The following PID1 variants were observed in gnomAD, a reference collection of about 807,000 sequenced individuals.
PID1 encodes the protein PTB-containing, cubilin and LRP1-interacting protein.
Under a neutral mutation model 19.1 loss-of-function variants are expected in PID1, and 10 were observed. The ratio of observed to expected loss-of-function variants is 0.52; its 90% CI spans 0.32 to 0.89. The LOEUF is 0.89. PID1 is among the 40% of genes least tolerant of loss of function. The pLI, the probability that PID1 is intolerant of heterozygous loss-of-function variation, is 0.03. For missense variants in PID1, 248 were observed against 285.3 expected, an observed-to-expected ratio of 0.87 and a Z score of 0.94; for synonymous variants, 130 against 116.0, an observed-to-expected ratio of 1.12 and a Z score of -0.78.
chr2:229,172,824 T>G (rs886819642), intron 1 of PID1, among the ~76,000 whole-genome samples: 3 of 152,138 alleles, frequency 2.0e-5, no homozygotes, highest in Admixed American at 2.0e-4. Context: ...CTCCACCTCC[T>G]GGGTTCGAGC....
intron 2 of PID1, among the ~76,000 whole-genome samples, chr2:229,032,297 G>A (rs772244175): frequency 6.6e-6 from 1 of 152,138 alleles, no homozygotes; most frequent in African/African-American, 2.4e-5. Flanking sequence ...ATATTCTTCT[G>A]TGAGCACATC....
At chr2:229,179,635 C>A (rs1170786065) in intron 1 of PID1, among the ~76,000 whole-genome samples, 3 of 152,014 alleles carry the variant, frequency 2.0e-5, no homozygotes, top group African/African-American at 4.8e-5. Context: ...CCCTTTAATG[C>A]AAGATTATAA....
intron 1 of PID1, among the ~76,000 whole-genome samples, chr2:229,234,201 G>A (rs1306861946): frequency 6.6e-6 from 1 of 152,130 alleles, no homozygotes; most frequent in African/African-American, 2.4e-5. Context: ...AAACCATGGA[G>A]GGCCCTGAAA....
chr2:229,103,461 C>T (rs1695113234), intron 2 of PID1, among the ~76,000 whole-genome samples: 1 of 152,086 alleles, frequency 6.6e-6, no homozygotes, highest in African/African-American at 2.4e-5. Context: ...GACAGCCCTA[C>T]TGGACTTCAC....
At chr2:229,196,649 C>A (rs1691384662) in intron 1 of PID1, among the ~76,000 whole-genome samples, 1 of 152,042 alleles carries the variant, frequency 6.6e-6, no homozygotes, top group African/African-American at 2.4e-5. Context: ...TATGAAACTG[C>A]CTGCAGGGAA....
At chr2:229,193,029 G>A (rs925589242) in intron 1 of PID1, among the ~76,000 whole-genome samples, 1 of 152,036 alleles carries the variant, frequency 6.6e-6, no homozygotes, top group African/African-American at 2.4e-5. Context: ...ATCTCTTATT[G>A]TATAATAAAT....
chr2:229,083,015 C>T (rs543453695), intron 2 of PID1, among the ~76,000 whole-genome samples: 72 of 151,892 alleles, frequency 4.7e-4, no homozygotes, highest in African/African-American at 1.5e-3. Context: ...TAAATAAATG[C>T]TTCCATCCTA....
chr2:229,114,233 GT>G (rs1186132045), intron 2 of PID1, among the ~76,000 whole-genome samples: 5 of 149,638 alleles, frequency 3.3e-5, no homozygotes, highest in Non-Finnish European at 5.9e-5. Context: ...AGTCGGTTCT[GT>G]TTCTTTGAAG....
chr2:229,227,869 T>C (rs1356417121), intron 1 of PID1: 2 of 425,140 alleles, frequency 4.7e-6, no homozygotes, highest in Non-Finnish European at 9.5e-6. Flanking sequence ...ATTTACACTA[T>C]ATTAGGTATT....
chr2:229,081,865 A>G (rs1694675362), intron 2 of PID1, among the ~76,000 whole-genome samples: 1 of 152,232 alleles, frequency 6.6e-6, no homozygotes, highest in Non-Finnish European at 1.5e-5. Context: ...AGCTCAGGAA[A>G]GTACCACAGA....
At chr2:229,075,119 A>G (rs1234196437) in intron 2 of PID1, among the ~76,000 whole-genome samples, 2 of 152,256 alleles carry the variant, frequency 1.3e-5, no homozygotes, top group Non-Finnish European at 2.9e-5. Flanking sequence ...ACAGTTGGGC[A>G]AAAGAATCTA....
chr2:229,095,531 T>C (rs1002370649), intron 2 of PID1, among the ~76,000 whole-genome samples: 10 of 152,216 alleles, frequency 6.6e-5, no homozygotes, highest in Admixed American at 6.5e-5. Flanking sequence ...CATTCCATTA[T>C]TGGGAGGAGT....
Position 229,117,919 on chromosome 2 carries a change from A to G in PID1, c.177+37899T>C, listed in dbSNP as rs1272900689. ...ATGTCCTACTGTAGGAGCTCATGGT[A>G]CCCTGTCCTTTTCTTTCAATCATTT... On this transcript the variant is annotated intron_variant, in intron 2 of 2. Transcript: ENST00000392055. 1.3e-5 allele frequency among the ~76,000 whole-genome samples: 2 copies of G among 151,968 alleles called. 1 individual carries two copies. Among genetic ancestry groups the G allele is most frequent in the Non-Finnish European group, 2.9e-5 (2 of 68,010 alleles).
At chr2:229,113,489 CAT>C (rs1336803731) in intron 2 of PID1, among the ~76,000 whole-genome samples, 1 of 119,318 alleles carries the variant, frequency 8.4e-6, no homozygotes, top group East Asian at 2.3e-4. Flanking sequence ...TATATATATA[CAT>C]GTATGTGTGT....
intron 1 of PID1, among the ~76,000 whole-genome samples, chr2:229,227,013 G>T (rs913301251): frequency 1.3e-5 from 2 of 152,116 alleles, no homozygotes; most frequent in Non-Finnish European, 2.9e-5. Flanking sequence ...TCTGTGTTTA[G>T]GCAGAGAAAT....
intron 1 of PID1, among the ~76,000 whole-genome samples, chr2:229,192,343 A>C (rs980677309): frequency 1.3e-5 from 2 of 152,160 alleles, no homozygotes; most frequent in Non-Finnish European, 2.9e-5. Context: ...CTGACTGGGG[A>C]CCAAAAGAAG....
chr2:229,243,699 A>C (rs1689932324), intron 1 of PID1, among the ~76,000 whole-genome samples: 1 of 152,182 alleles, frequency 6.6e-6, no homozygotes, highest in South Asian at 2.1e-4. Flanking sequence ...TCTGCCTCAC[A>C]GTAAATCCCA....
chr2:229,081,870 C>T (rs935537546), intron 2 of PID1, among the ~76,000 whole-genome samples: 1 of 152,086 alleles, frequency 6.6e-6, no homozygotes, highest in Non-Finnish European at 1.5e-5. Context: ...AGGAAAGTAC[C>T]ACAGAATTCT....
chr2:229,265,458 T>C (rs900673420), intron 1 of PID1, among the ~76,000 whole-genome samples: 1 of 152,242 alleles, frequency 6.6e-6, no homozygotes, highest in African/African-American at 2.4e-5. Context: ...CACTGATGCT[T>C]TATCACTGAT....
Sources: allele counts gnomAD v4.1 joint callset (sites outside exome capture counted in the v4.1 genomes callset), GRCh38; gene constraint gnomAD v4.1.1; transcripts MANE v1.5; gene names NCBI Gene and HGNC (gene_info 2026-07-23, HGNC 2026-07-21).